The following CFAP221 variants were observed in gnomAD, a reference collection of about 807,000 sequenced individuals.
CFAP221 encodes cilia- and flagella-associated protein 221.
A neutral mutation model predicts 113.1 loss-of-function variants in CFAP221; 97 were observed. The observed-to-expected ratio is 0.86, with a 90% CI of 0.73 to 1.02. The LOEUF is 1.02. Among genes scored for constraint, CFAP221 ranks in the 50% least tolerant of loss-of-function variants. The pLI, the probability that CFAP221 is intolerant of heterozygous loss-of-function variation, is 0.00. For missense variants in CFAP221, 1,025 were observed against 1,013.4 expected (o/e 1.01, Z -0.16); for synonymous variants, 331 against 354.4 (o/e 0.93, Z 0.74).
In CFAP221 at chr2:119,567,891, A is replaced by G. The variant is rs117238909; in HGVS notation, c.527+5777A>G. 3.5e-4 allele frequency among the ~76,000 whole-genome samples: 54 copies of G among 152,272 alleles called. No individual in the cohort carries two copies. In the East Asian group the frequency reaches 0.01, roughly 29 times the overall value. ...TATTTATCTTCCTGTGGTTTTAACC[A>G]TGTATTTTATGTGATTCCATTTTCT... On this transcript the variant is annotated intron_variant, in intron 6 of 23. Coordinates refer to ENST00000413369, the MANE Select transcript of CFAP221 (RefSeq NM_001271049.2).
intron 14 of CFAP221, among the ~76,000 whole-genome samples, chr2:119,615,990 C>G (rs1392522423): frequency 6.6e-6 from 1 of 152,224 alleles, no homozygotes; most frequent in African/African-American, 2.4e-5. Flanking sequence ...AACCAATAAT[C>G]TACTCTCTGT....
At chr2:119,644,550 G>C (rs1449645249) in intron 21 of CFAP221, among the ~76,000 whole-genome samples, 2 of 152,176 alleles carry the variant, frequency 1.3e-5, no homozygotes, top group Non-Finnish European at 2.9e-5. Context: ...GCCCAGGTTT[G>C]TTTTGGTGGG....
intron 21 of CFAP221, among the ~76,000 whole-genome samples, chr2:119,643,767 A>C (rs988143716): frequency 6.6e-6 from 1 of 151,774 alleles, no homozygotes; most frequent in Admixed American, 6.6e-5. Context: ...TTGGTCTCGA[A>C]CTCCTGACCT....
At position 119,638,302 on chromosome 2, in the gene CFAP221, A is replaced by G. The variant is rs1323439280; in HGVS notation, c.2018A>G (p.Tyr673Cys). 1.2e-6 allele frequency: 2 copies of G among 1,614,006 alleles called. No individual in the cohort carries two copies. Among genetic ancestry groups the G allele is most frequent in the East Asian group, 2.2e-5 (1 of 44,894 alleles). Reference sequence around the variant, plus strand: ...TTTGCTGTAATGCATCCTCTGACCTATGCAGAAACGTTGATAGATTACCAT... The same window carrying G: ...TTTGCTGTAATGCATCCTCTGACCTGTGCAGAAACGTTGATAGATTACCAT... ...GLFAVMHPLTYAETLIDYHLC... is the reference protein window; with the variant it reads ...GLFAVMHPLTCAETLIDYHLC... Residue 673 changes from tyrosine to cysteine, a missense_variant, in exon 20 of 24, where the codon TAT (tyrosine) becomes TGT (cysteine). Tyr to Cys is a radical substitution (Grantham distance 194). Transcript: ENST00000413369.
At chr2:119,624,263 GA>G (rs1239170872) in intron 14 of CFAP221, among the ~76,000 whole-genome samples, 1 of 152,196 alleles carries the variant, frequency 6.6e-6, no homozygotes, top group African/African-American at 2.4e-5. Context: ...ACAAACATAT[GA>G]AAAACAGCTC....
At chr2:119,563,359 T>C (rs545122579) in intron 6 of CFAP221, among the ~76,000 whole-genome samples, 7 of 152,320 alleles carry the variant, frequency 4.6e-5, no homozygotes, top group African/African-American at 1.7e-4. Context: ...CATTGCTTTT[T>C]CATATATTTT....
intron 15 of CFAP221, among the ~76,000 whole-genome samples, chr2:119,626,985 C>T (rs2104750936): frequency 6.6e-6 from 1 of 151,794 alleles, no homozygotes; most frequent in South Asian, 2.1e-4. Context: ...TTGGCTGGGA[C>T]TGTTGGAGGC....
At chr2:119,559,827 A>T in intron 4 of CFAP221, 52 bp downstream of exon 4, 1 of 1,480,146 alleles carries the variant, frequency 6.8e-7, no homozygotes, top group Non-Finnish European at 9.1e-7. Flanking sequence ...TCTGCGTCTC[A>T]GGCCTGTGTG....
chr2:119,656,064 T>C lies in CFAP221; in HGVS notation c.2415-298T>C, dbSNP rs1399011750. On this transcript the variant is annotated intron_variant, in intron 23 of 23. Coordinates refer to ENST00000413369, the MANE Select transcript of CFAP221 (RefSeq NM_001271049.2). ...GAATAAGATCTCATTTCACCTTTGC[T>C]ACAATGCTGGGAGATGGGAATTACA... The C allele has an allele frequency of 1.2e-5, 4 of 347,452 alleles. 1 individual carries two copies. Among genetic ancestry groups the C allele is most frequent in the African/African-American group, 2.1e-5 (1 of 48,056 alleles). 21.5% of individuals were successfully genotyped at this position (347,452 alleles called of 1,614,324 possible). A position where few individuals can be genotyped will look rare whatever the true frequency, so the allele number is the denominator to read the frequency against.
chr2:119,547,269 CAT>C (rs1323643418), intron 2 of CFAP221, among the ~76,000 whole-genome samples: 2 of 152,056 alleles, frequency 1.3e-5, no homozygotes, highest in East Asian at 3.9e-4. Context: ...TTAAAAAAAT[CAT>C]AGAATAGGCC....
At chr2:119,600,979 A>G (rs376033835) in intron 7 of CFAP221, among the ~76,000 whole-genome samples, 2 of 152,368 alleles carry the variant, frequency 1.3e-5, no homozygotes, top group East Asian at 1.9e-4. Context: ...AATAATACAT[A>G]TAACATATAC....
rs1684624458 is a variant in CFAP221, at chr2:119,604,882, G to A, written c.919G>A (p.Glu307Lys). ...TATTGATTTGGTCTCTTAGGAAATTGAGTACCAGAACCTCAGATTTCCAGT... is the reference window on the plus strand; with the variant it reads ...TATTGATTTGGTCTCTTAGGAAATTAAGTACCAGAACCTCAGATTTCCAGT... ...KPKPQKVKEI[E>K]YQNLRFPVDL... The change falls in exon 10 of 24, where the codon GAG becomes AAG. Residue 307 changes from glutamate to lysine, a missense_variant. By Grantham distance (56) the Glu-to-Lys change is moderately conservative. Transcript: ENST00000413369. The A allele has an allele frequency of 6.2e-7, 1 of 1,614,004 alleles. No individual in the cohort carries two copies. The highest frequency in any genetic ancestry group is 8.5e-7 in the Non-Finnish European group (1 of 1,179,962).
At chr2:119,653,786 G>A (rs1347439470) in intron 23 of CFAP221, among the ~76,000 whole-genome samples, 1 of 152,120 alleles carries the variant, frequency 6.6e-6, no homozygotes, top group East Asian at 1.9e-4. Context: ...GCATTCAAAT[G>A]CCCTGGACAA....
At position 119,605,259 on chromosome 2, in the gene CFAP221, T is replaced by G. The variant is rs767758870; in HGVS notation, c.1103T>G (p.Ile368Ser). ...ALFEQKVRQD[I>S]HEEMENHLKW... ...TTTGAACAGAAAGTCAGACAGGACATTCACGAAGAGATGGAAAATCATCTT... is the reference window on the plus strand; with the variant it reads ...TTTGAACAGAAAGTCAGACAGGACAGTCACGAAGAGATGGAAAATCATCTT... Residue 368 changes from isoleucine (I) to serine (S), a missense_variant, in exon 11 of 24, where the codon ATT (isoleucine) becomes AGT (serine). By Grantham distance (142) the Ile-to-Ser change is moderately radical. Transcript: ENST00000413369. 1 of 1,614,088 alleles carries G rather than the reference T, an allele frequency of 6.2e-7. No homozygotes were observed. The highest frequency in any genetic ancestry group is 1.1e-5 in the South Asian group (1 of 91,078).
chr2:119,617,993 A>G (rs1478147293), intron 14 of CFAP221, among the ~76,000 whole-genome samples: 1 of 152,114 alleles, frequency 6.6e-6, no homozygotes, highest in African/African-American at 2.4e-5. Flanking sequence ...CTTGCATCAC[A>G]TCTCACCTCT....
At chr2:119,548,612 A>C (rs1680208657) in intron 2 of CFAP221, among the ~76,000 whole-genome samples, 2 of 152,254 alleles carry the variant, frequency 1.3e-5, no homozygotes, top group Admixed American at 1.3e-4. Context: ...ATTACTCTAC[A>C]TCACATTGTA....
In CFAP221 at chr2:119,577,874, C is replaced by T. The variant is rs76689442; in HGVS notation, c.528-9245C>T. ...TCCTTTTTCTGTATAAAAACCACCC[C>T]GAAGGTAGTAGCTTAATGTATTATA... On this transcript the variant is annotated intron_variant, in intron 6 of 23. Transcript: ENST00000413369. 1.8e-3 allele frequency among the ~76,000 whole-genome samples: 271 copies of T among 152,258 alleles called. 1 individual carries two copies. The highest frequency in any genetic ancestry group is 5.8e-3 in the African/African-American group (243 of 41,552).
intron 1 of CFAP221, among the ~76,000 whole-genome samples, 163 bp downstream of exon 1, chr2:119,544,673 G>A (rs1203503180): frequency 6.6e-6 from 1 of 152,196 alleles, no homozygotes; most frequent in African/African-American, 2.4e-5. Context: ...GAGGATGGTG[G>A]GGGGAGCGGT....
intron 21 of CFAP221, among the ~76,000 whole-genome samples, chr2:119,640,969 A>G (rs1031925817): frequency 6.6e-6 from 1 of 152,178 alleles, no homozygotes; most frequent in African/African-American, 2.4e-5. Flanking sequence ...AATTTTAGTA[A>G]GAGTACAAGA....
Sources: gnomAD v4.1 joint callset for allele counts (sites outside exome capture counted in the v4.1 genomes callset) on GRCh38, gnomAD v4.1.1 for gene constraint, MANE v1.5 for transcripts, NCBI Gene and HGNC (gene_info 2026-07-23, HGNC 2026-07-21) for gene names.